Variants in USP48 observed in about 807,000 individuals in gnomAD.
USP48 encodes ubiquitin carboxyl-terminal hydrolase 48.
Under a neutral mutation model 150.7 loss-of-function variants are expected in USP48, and 43 were observed. That is an observed-to-expected ratio of 0.29 (90% CI 0.22 to 0.37). USP48 has a LOEUF of 0.37. Among genes scored for constraint, USP48 ranks in the 10% least tolerant of loss-of-function variants. The pLI, the probability that USP48 is intolerant of heterozygous loss-of-function variation, is 1.00. For synonymous variants in USP48, 396 were observed against 425.9 expected (o/e 0.93, Z 0.86); for missense variants, 813 against 1,249.6 (o/e 0.65, Z 5.27).
intron 6 of USP48, among the ~76,000 whole-genome samples, chr1:21,749,101 T>C (rs2097802552): frequency 1.3e-5 from 2 of 152,230 alleles, no homozygotes; most frequent in African/African-American, 2.4e-5. Flanking sequence ...TGCCTTTATA[T>C]TTCTATAAAG....
At chr1:21,699,854 A>C (rs182943625) in intron 22 of USP48, among the ~76,000 whole-genome samples, 28 of 151,392 alleles carry the variant, frequency 1.8e-4, no homozygotes, top group African/African-American at 6.1e-4. Context: ...TCAACTGAAA[A>C]GCACACAATC....
At chr1:21,722,675 T>C (rs1249661681) in intron 12 of USP48, among the ~76,000 whole-genome samples, 1 of 151,858 alleles carries the variant, frequency 6.6e-6, no homozygotes, top group African/African-American at 2.4e-5. Context: ...TGAAACACCA[T>C]CTCTACAGAA....
intron 8 of USP48, among the ~76,000 whole-genome samples, chr1:21,739,572 G>C (rs1259485244): frequency 1.3e-5 from 2 of 149,894 alleles, no homozygotes; most frequent in African/African-American, 4.9e-5. Context: ...ATATATTTAT[G>C]GGTACAATAT....
chr1:21,689,962 C>A lies in USP48; in HGVS notation c.3009+12G>T, dbSNP rs775640854. On this transcript the variant is annotated intron_variant, in intron 24 of 26. Transcript: ENST00000308271. The stretch of plus-strand genomic sequence containing the variant: ...AACCTTGAGTTCTTCAGCTAAGGAG[C>A]TGTTTACTTACCTTCAATAAAATGA... 23 of 1,613,144 alleles carry A rather than the reference C, an allele frequency of 1.4e-5. No individual in the cohort carries two copies. In the East Asian group the frequency reaches 4.9e-4, roughly 34 times the overall value.
At chr1:21,694,599 A>AC (rs2097618763) in intron 23 of USP48, among the ~76,000 whole-genome samples, 3 of 103,314 alleles carry the variant, frequency 2.9e-5, no homozygotes, top group African/African-American at 1.0e-4. Context: ...AAAAAAAAAA[A>AC]AAAAAAAACC....
At chr1:21,715,267 T>A (rs2097701160) in intron 15 of USP48, 122 bp downstream of exon 15, 2 of 624,438 alleles carry the variant, frequency 3.2e-6, no homozygotes, top group Non-Finnish European at 5.6e-6. Context: ...TATGGGGAAA[T>A]TCTATTAAAA....
chr1:21,781,636 A>C (rs1368597396), intron 1 of USP48, among the ~76,000 whole-genome samples: 1 of 152,152 alleles, frequency 6.6e-6, no homozygotes, highest in Admixed American at 6.6e-5. Flanking sequence ...CCGGAGGCCG[A>C]GGTGGGAGGA....
intron 25 of USP48, among the ~76,000 whole-genome samples, chr1:21,682,080 CTTGAT>C (rs550744400): frequency 6.6e-6 from 1 of 152,282 alleles, no homozygotes; most frequent in South Asian, 2.1e-4. Flanking sequence ...TTGATTCTTT[CTTGAT>C]TTAATGTTTA....
At chr1:21,776,235 A>G (rs913527383) in intron 1 of USP48, among the ~76,000 whole-genome samples, 2 of 152,158 alleles carry the variant, frequency 1.3e-5, no homozygotes, top group Non-Finnish European at 1.5e-5. Context: ...TGGACAGAGG[A>G]TTTAGTACAC....
chr1:21,717,230 C>T (rs1443992619), intron 14 of USP48, among the ~76,000 whole-genome samples: 1 of 151,444 alleles, frequency 6.6e-6, no homozygotes, highest in African/African-American at 2.4e-5. Flanking sequence ...ATGGCGAAAC[C>T]CCATCTCTAC....
In USP48 at chr1:21,706,827, T is replaced by C. The variant is rs2152521958; in HGVS notation, c.2005A>G (p.Lys669Glu). Reference sequence around the variant, plus strand: ...TGCTGCAGTTTGCTCCAAGCCTCTTTAGAAACAAGCCTTCTTTCATTTTCA... The same window carrying C: ...TGCTGCAGTTTGCTCCAAGCCTCTTCAGAAACAAGCCTTCTTTCATTTTCA... Reference protein sequence around the residue: ...ISENERRLVSKEAWSKLQQYF... With the variant: ...ISENERRLVSEEAWSKLQQYF... Residue 669 changes from lysine to glutamate, a missense_variant, in exon 16 of 27, where the codon AAA becomes GAA. Coordinates refer to ENST00000308271, the MANE Select transcript of USP48 (RefSeq NM_032236.8). 2 of 1,613,694 alleles carry C rather than the reference T, an allele frequency of 1.2e-6. No homozygotes were observed. Among genetic ancestry groups the C allele is most frequent in the East Asian group, 2.2e-5 (1 of 44,870 alleles).
At position 21,753,009 on chromosome 1, in the gene USP48, C is replaced by T; in HGVS notation, c.523G>A (p.Asp175Asn). Residue 175 changes from aspartate (D) to asparagine (N), a missense_variant, in exon 4 of 27, where the codon GAC becomes AAC. Physicochemically the swap from Asp to Asn is conservative, Grantham distance 23. Coordinates refer to ENST00000308271, the MANE Select transcript of USP48 (RefSeq NM_032236.8). ...GTTCTTACCTGCTGTTGTCCAGTGT[C>T]CAGGCCCAAGGCTTTAACAAATCCT... is the stretch of plus-strand genomic sequence containing the variant. Reference protein sequence around the residue: ...PSGFVKALGLDTGQQQDAQEF... With the variant: ...PSGFVKALGLNTGQQQDAQEF... The T allele has an allele frequency of 6.2e-7, 1 of 1,603,462 alleles. No individual in the cohort carries two copies. The highest frequency in any genetic ancestry group is 8.5e-7 in the Non-Finnish European group (1 of 1,177,544).
chr1:21,769,705 C>T (rs746947261), intron 1 of USP48, among the ~76,000 whole-genome samples: 1 of 152,142 alleles, frequency 6.6e-6, no homozygotes, highest in African/African-American at 2.4e-5. Flanking sequence ...GCCACTGCGC[C>T]GGGCCTACAA....
chr1:21,700,102 T>C (rs2097650996), intron 22 of USP48, among the ~76,000 whole-genome samples: 1 of 151,350 alleles, frequency 6.6e-6, no homozygotes, highest in African/African-American at 2.4e-5. Context: ...GAGCACAAGA[T>C]GTATATATGC....
chr1:21,765,552 G>C (rs531373923), intron 1 of USP48, among the ~76,000 whole-genome samples: 2 of 151,710 alleles, frequency 1.3e-5, no homozygotes, highest in African/African-American at 2.4e-5. Flanking sequence ...GGGAGGCGGA[G>C]GTTGCAGTGA....
chr1:21,735,306 G>C (rs2097766303), intron 9 of USP48, among the ~76,000 whole-genome samples: 1 of 152,170 alleles, frequency 6.6e-6, no homozygotes, highest in South Asian at 2.1e-4. Context: ...ATTTTAAAAA[G>C]CAAGCATTGC....
chr1:21,688,025 G>T (rs1157642862), intron 24 of USP48, among the ~76,000 whole-genome samples: 1 of 152,106 alleles, frequency 6.6e-6, no homozygotes, highest in Non-Finnish European at 1.5e-5. Flanking sequence ...CAGAACGGGG[G>T]CTCCAAGGTT....
intron 15 of USP48, among the ~76,000 whole-genome samples, chr1:21,712,035 A>C (rs535802908): frequency 6.0e-4 from 91 of 152,358 alleles, no homozygotes; most frequent in African/African-American, 1.9e-3. Flanking sequence ...TGGATGTGAT[A>C]ATATACTGAT....
At chr1:21,734,493 T>C (rs2097764274) in intron 9 of USP48, among the ~76,000 whole-genome samples, 1 of 152,346 alleles carries the variant, frequency 6.6e-6, no homozygotes, top group Middle Eastern at 3.4e-3. Context: ...AACGATTATC[T>C]GTAGAGATGA....
Sources: allele counts gnomAD v4.1 joint callset (sites outside exome capture counted in the v4.1 genomes callset), GRCh38; gene constraint gnomAD v4.1.1; transcripts MANE v1.5; gene names NCBI Gene and HGNC (gene_info 2026-07-23, HGNC 2026-07-21).